Variants in MYO10 observed in about 807,000 individuals in gnomAD.
The protein encoded by MYO10 is unconventional myosin-X.
A neutral mutation model predicts 257.3 loss-of-function variants in MYO10; 133 were observed. That is an observed-to-expected ratio of 0.52 (90% CI 0.45 to 0.60). The LOEUF (loss-of-function observed/expected upper bound fraction) is 0.60, where lower values mean the gene tolerates loss of function less well. Ranked by LOEUF, MYO10 falls within the 20% of genes least tolerant of loss-of-function variation. MYO10 has a pLI of 0.00. For missense variants in MYO10, 2,399 were observed against 2,635.7 expected (o/e 0.91, Z 1.97); for synonymous variants, 1,104 against 1,028.6 (o/e 1.07, Z -1.40).
chr5:16,896,316 C>T (rs752250674), intron 1 of MYO10, among the ~76,000 whole-genome samples: 1 of 151,960 alleles, frequency 6.6e-6, no homozygotes, highest in Admixed American at 6.6e-5. Context: ...ATGGTCTTGG[C>T]CAGGCACGGT....
chr5:16,919,909 A>G (rs1440233564), intron 1 of MYO10, among the ~76,000 whole-genome samples: 2 of 152,090 alleles, frequency 1.3e-5, no homozygotes, highest in African/African-American at 2.4e-5. Context: ...TCAAGAGATC[A>G]AGACCATCCT....
chr5:16,905,292 A>G (rs1745489722), intron 1 of MYO10, among the ~76,000 whole-genome samples: 1 of 152,160 alleles, frequency 6.6e-6, no homozygotes, highest in Non-Finnish European at 1.5e-5. Context: ...GGGCTCATTC[A>G]GCAAAGCTCA....
In MYO10 at chr5:16,751,254, G is replaced by A. The variant is rs565004487; in HGVS notation, c.1929+3574C>T. ...GAAATTTCTATAAGAATCTATCTTT[G>A]GATTAAAAAAAATATATAAGGAAGT... On this transcript the variant is annotated intron_variant, in intron 19 of 40. Transcript: ENST00000513610. 7.9e-5 allele frequency among the ~76,000 whole-genome samples: 12 copies of A among 151,384 alleles called. No homozygotes were observed. In the South Asian group the frequency reaches 2.5e-3, roughly 32 times the overall value.
chr5:16,778,593 G>C (rs1034174432), intron 9 of MYO10, among the ~76,000 whole-genome samples: 1 of 152,022 alleles, frequency 6.6e-6, no homozygotes, highest in African/African-American at 2.4e-5. Context: ...CTTCCACGGG[G>C]AAGAGAAGCC....
Position 16,918,545 on chromosome 5 carries a change from C to G in MYO10, c.21+17243G>C, listed in dbSNP as rs897987803. Among the ~76,000 whole-genome samples, 17 of 149,014 alleles carry G rather than the reference C, an allele frequency of 1.1e-4. No individual in the cohort carries two copies. In the Admixed American group the frequency reaches 1.1e-3, roughly 10 times the overall value. Reference sequence around the variant, plus strand: ...GAGACAGAGTTTCGCTCTTGTTGCCCAGACTGGAATGTAATGGCACAATCT... The same window carrying G: ...GAGACAGAGTTTCGCTCTTGTTGCCGAGACTGGAATGTAATGGCACAATCT... On this transcript the variant is annotated intron_variant, in intron 1 of 40. Coordinates refer to ENST00000513610, the MANE Select transcript of MYO10 (RefSeq NM_012334.3).
chr5:16,710,724 C>G, intron 21 of MYO10, 184 bp downstream of exon 21: 1 of 594,908 alleles, frequency 1.7e-6, no homozygotes. Context: ...AAGTCAAGGA[C>G]TTCACTTCAA....
chr5:16,824,678 C>A (rs2126712100), intron 2 of MYO10, among the ~76,000 whole-genome samples: 1 of 152,222 alleles, frequency 6.6e-6, no homozygotes, highest in African/African-American at 2.4e-5. Context: ...ACCAACTTGG[C>A]CAACATGGTG....
intron 4 of MYO10, among the ~76,000 whole-genome samples, chr5:16,790,193 T>G (rs908246401): frequency 6.6e-6 from 1 of 152,048 alleles, no homozygotes; most frequent in Non-Finnish European, 1.5e-5. Flanking sequence ...TCACTCAAGT[T>G]TTGAAAAACC....
chr5:16,703,252 G>A (rs781701115), intron 22 of MYO10, 94 bp from the exon 23 acceptor site: 7 of 957,798 alleles, frequency 7.3e-6, no homozygotes, highest in Non-Finnish European at 6.2e-6. Flanking sequence ...GACAAAAGAG[G>A]ACCCAGTTTT....
chr5:16,715,074 A>ACATC (rs1436034196), intron 19 of MYO10, among the ~76,000 whole-genome samples: 1 of 151,624 alleles, frequency 6.6e-6, no homozygotes, highest in Non-Finnish European at 1.5e-5. Context: ...AATACCTCAT[A>ACATC]CATCCCATCA....
chr5:16,687,172 T>G (rs1737290504), intron 28 of MYO10, among the ~76,000 whole-genome samples: 1 of 151,646 alleles, frequency 6.6e-6, no homozygotes, highest in South Asian at 2.1e-4. Flanking sequence ...AAATAAAAAA[T>G]TAGCTGGGTG....
At chr5:16,762,249 G>A (rs980588428) in intron 15 of MYO10, 136 bp from the exon 16 acceptor site, 12 of 1,154,392 alleles carry the variant, frequency 1.0e-5, no homozygotes, top group Non-Finnish European at 1.4e-5. Context: ...CTGCGTTTCA[G>A]GACACGGCAT....
At chr5:16,900,766 G>T (rs1207195342) in intron 1 of MYO10, among the ~76,000 whole-genome samples, 4 of 107,034 alleles carry the variant, frequency 3.7e-5, no homozygotes, top group South Asian at 2.9e-4. Flanking sequence ...TTGAGACAGA[G>T]TCTTGCTCTG....
At chr5:16,902,474 C>A in intron 1 of MYO10, 1 of 1,496,302 alleles carries the variant, frequency 6.7e-7, no homozygotes, top group Non-Finnish European at 9.2e-7. Context: ...CGAAGACGCT[C>A]GCTTCAGACA....
chr5:16,665,837 A>G lies in MYO10; in HGVS notation c.*855T>C, dbSNP rs1201860007. The G allele has an allele frequency of 6.6e-6, 1 of 152,668 alleles. No individual in the cohort carries two copies. Among genetic ancestry groups the G allele is most frequent in the Admixed American group, 6.5e-5 (1 of 15,278 alleles). The allele number at this position is 152,668 out of a possible 1,614,324, so 9.5% of individuals were successfully genotyped here. Reference sequence around the variant, plus strand: ...TATCTTGTAGGCTGCTTATCTGTTTATAATACAGCAGACACAGATGGCAGA... The same window carrying G: ...TATCTTGTAGGCTGCTTATCTGTTTGTAATACAGCAGACACAGATGGCAGA... On this transcript the variant is annotated 3_prime_UTR_variant, in exon 41 of 41. Transcript: ENST00000513610.
chr5:16,688,067 T>C (rs1737328819), intron 28 of MYO10, among the ~76,000 whole-genome samples: 2 of 152,224 alleles, frequency 1.3e-5, no homozygotes, highest in African/African-American at 4.8e-5. Flanking sequence ...AGGTTCATCG[T>C]GGCATAAAAC....
chr5:16,897,550 G>A (rs78633081), intron 1 of MYO10, among the ~76,000 whole-genome samples: 2 of 152,218 alleles, frequency 1.3e-5, no homozygotes, highest in Non-Finnish European at 2.9e-5. Flanking sequence ...GAATGCAGAT[G>A]TGCTGCTCTC....
At chr5:16,767,331 C>T (rs1050975532) in intron 10 of MYO10, among the ~76,000 whole-genome samples, 9 of 151,746 alleles carry the variant, frequency 5.9e-5, no homozygotes, top group Non-Finnish European at 8.8e-5. Flanking sequence ...CCACCAAGCC[C>T]GGCTAATTTT....
chr5:16,924,541 C>A (rs531311690), intron 1 of MYO10, among the ~76,000 whole-genome samples: 3 of 152,250 alleles, frequency 2.0e-5, no homozygotes, highest in South Asian at 2.1e-4. Flanking sequence ...GGAAATTTTA[C>A]TCCTCAGGAA....
Sources: allele counts gnomAD v4.1 joint callset (sites outside exome capture counted in the v4.1 genomes callset), GRCh38; gene constraint gnomAD v4.1.1; transcripts MANE v1.5; gene names NCBI Gene and HGNC (gene_info 2026-07-23, HGNC 2026-07-21).